The following DNAH8 variants were observed in gnomAD, a reference collection of about 807,000 sequenced individuals.
DNAH8 encodes dynein axonemal heavy chain 8, also known as axonemal beta dynein heavy chain 8.
Under a neutral mutation model 562.1 loss-of-function variants are expected in DNAH8, and 382 were observed. The ratio of observed to expected loss-of-function variants is 0.68; its 90% confidence interval spans 0.63 to 0.74. DNAH8 has a LOEUF of 0.74. Ranked by LOEUF, DNAH8 falls within the 30% of genes least tolerant of loss-of-function variation. The pLI is 0.00. For synonymous variants in DNAH8, 1,881 were observed against 1,919.4 expected (o/e 0.98, Z 0.52); for missense variants, 5,203 against 5,620.4 (o/e 0.93, Z 2.37).
At chr6:38,909,431 A>G in intron 64 of DNAH8, 87 bp from the exon 65 acceptor site, 2 of 1,178,386 alleles carry the variant, frequency 1.7e-6, no homozygotes, top group South Asian at 1.3e-5. Context: ...GTGATGTCAC[A>G]CTCTTGGGTC....
At chr6:38,941,045 G>A (rs952451223) in intron 79 of DNAH8, among the ~76,000 whole-genome samples, 1 of 152,020 alleles carries the variant, frequency 6.6e-6, no homozygotes, top group Non-Finnish European at 1.5e-5. Flanking sequence ...ACTTGAACCA[G>A]GGAGTCGGAG....
At chr6:38,884,067 T>C in intron 56 of DNAH8, 69 bp downstream of exon 56, 1 of 992,170 alleles carries the variant, frequency 1.0e-6, no homozygotes, top group Non-Finnish European at 1.3e-6. Flanking sequence ...TATATATATG[T>C]AAATGTTAAT....
intron 10 of DNAH8, among the ~76,000 whole-genome samples, chr6:38,759,837 C>T (rs759571612): frequency 7.2e-5 from 11 of 152,096 alleles, no homozygotes; most frequent in Non-Finnish European, 1.2e-4. Context: ...TAATAATTTT[C>T]CACCCACTGA....
intron 88 of DNAH8, among the ~76,000 whole-genome samples, chr6:39,002,263 CAT>C (rs1388986497): frequency 2.6e-5 from 4 of 152,170 alleles, no homozygotes; most frequent in African/African-American, 4.8e-5. Context: ...TCTTCCCTAA[CAT>C]AGCAGTTCAT....
At chr6:38,758,353 G>T (rs1247326552) in intron 10 of DNAH8, among the ~76,000 whole-genome samples, 1 of 151,716 alleles carries the variant, frequency 6.6e-6, no homozygotes, top group Non-Finnish European at 1.5e-5. Flanking sequence ...GTATAAGAAT[G>T]CTTGTGATTT....
chr6:38,883,197 GC>G, intron 54 of DNAH8, 124 bp from the exon 55 acceptor site: 1 of 1,324,032 alleles, frequency 7.6e-7, no homozygotes, highest in South Asian at 1.6e-5. Context: ...GATGGTAGAT[GC>G]AATTCTAAAA....
intron 12 of DNAH8, among the ~76,000 whole-genome samples, chr6:38,771,371 T>C (rs1390207975): frequency 6.6e-6 from 1 of 151,818 alleles, no homozygotes; most frequent in Non-Finnish European, 1.5e-5. Context: ...TTTTTTAAAT[T>C]TGTTTCTTTA....
chr6:38,962,845 G>C (rs149982859), intron 82 of DNAH8, among the ~76,000 whole-genome samples: 1 of 152,218 alleles, frequency 6.6e-6, no homozygotes, highest in East Asian at 1.9e-4. Flanking sequence ...GGGTGGAATT[G>C]GAGACCATTA....
intron 64 of DNAH8, among the ~76,000 whole-genome samples, chr6:38,908,990 C>T (rs1010544630): frequency 6.6e-6 from 1 of 152,128 alleles, no homozygotes; most frequent in African/African-American, 2.4e-5. Context: ...ATTTATAAGG[C>T]AGCCTGCTTC....
chr6:38,753,430 A>G (rs1279888819), intron 9 of DNAH8, among the ~76,000 whole-genome samples: 1 of 152,206 alleles, frequency 6.6e-6, no homozygotes. Flanking sequence ...TGCAAATATG[A>G]AATACACATA....
At chr6:38,854,006 C>A (rs1056114582) in intron 41 of DNAH8, among the ~76,000 whole-genome samples, 3 of 149,704 alleles carry the variant, frequency 2.0e-5, no homozygotes, top group Non-Finnish European at 4.4e-5. Flanking sequence ...AAGTTGGGGA[C>A]CATCTGTGTG....
At chr6:38,906,216 T>TA in intron 62 of DNAH8, 38 bp from the exon 63 acceptor site, 1 of 1,434,050 alleles carries the variant, frequency 7.0e-7, no homozygotes, top group Non-Finnish European at 9.6e-7. Context: ...CGACTATATA[T>TA]TTTTTAATCT....
intron 82 of DNAH8, among the ~76,000 whole-genome samples, chr6:38,965,515 T>A (rs1031101333): frequency 1.3e-5 from 2 of 152,276 alleles, no homozygotes; most frequent in East Asian, 3.9e-4. Context: ...TATTATTTAA[T>A]TAGAAGTAAA....
At chr6:39,003,744 TTTA>T (rs1225158818) in intron 88 of DNAH8, among the ~76,000 whole-genome samples, 2 of 152,206 alleles carry the variant, frequency 1.3e-5, no homozygotes, top group African/African-American at 2.4e-5. Context: ...TTTACTAGGA[TTTA>T]TTATTACAAA....
Position 38,842,701 on chromosome 6 carries a change from C to T in DNAH8, c.4643C>T (p.Ala1548Val). The change falls in exon 35 of 93, where the codon GCT (alanine) becomes GTT (valine). Residue 1548 changes from alanine (A) to valine (V), a missense_variant. Around this residue, in one of 6 missense-constraint regions of DNAH8, gnomAD observed 2,176 missense variants for 2,365.1 expected, o/e 0.92. Coordinates refer to ENST00000327475, the MANE Select transcript of DNAH8 (RefSeq NM_001206927.2). ...CCAAAAGGACTTAAAGATTGGCAAG[C>T]TTTTTTGGATCTCAAAAAGAGAATT... ...KLPKGLKDWQAFLDLKKRIDD... is the reference protein window; with the variant it reads ...KLPKGLKDWQVFLDLKKRIDD... 1 of 1,613,528 alleles carries T rather than the reference C, an allele frequency of 6.2e-7. No individual in the cohort carries two copies. The highest frequency in any genetic ancestry group is 8.5e-7 in the Non-Finnish European group (1 of 1,179,780).
At chr6:38,715,958 A>ATTTTTTTTTTTTT (rs1454056787) in intron 1 of DNAH8, among the ~76,000 whole-genome samples, 3 of 31,050 alleles carry the variant, frequency 9.7e-5, no homozygotes, top group East Asian at 8.2e-4. Context: ...ATATATATAT[A>ATTTTTTTTTTTTT]TATTTTTTTT....
chr6:38,821,648 C>T (rs1016596298), intron 26 of DNAH8, among the ~76,000 whole-genome samples: 1 of 152,150 alleles, frequency 6.6e-6, no homozygotes, highest in Non-Finnish European at 1.5e-5. Context: ...ACTGCAGCCT[C>T]TGCCTTCTTG....
chr6:38,863,724 A>G (rs1159667692), intron 44 of DNAH8, 149 bp from the exon 45 acceptor site: 1 of 592,352 alleles, frequency 1.7e-6, no homozygotes, highest in Non-Finnish European at 2.9e-6. Context: ...TATCACTGGA[A>G]TTAAATATGT....
intron 85 of DNAH8, among the ~76,000 whole-genome samples, chr6:38,975,086 A>G (rs1422827658): frequency 6.6e-6 from 1 of 152,154 alleles, no homozygotes; most frequent in South Asian, 2.1e-4. Context: ...AGTGGTGGTG[A>G]TGTTGGAGGA....
Sources: gnomAD v4.1 joint callset for allele counts (sites outside exome capture counted in the v4.1 genomes callset) on GRCh38, gnomAD v4.1.1 for gene constraint, gnomAD v4.1.1 regional missense constraint, MANE v1.5 for transcripts, NCBI Gene and HGNC (gene_info 2026-07-23, HGNC 2026-07-21) for gene names.